Variants in ZNF100 observed in about 807,000 individuals in gnomAD.
ZNF100 encodes the protein zinc finger protein 100 (Y1).
Under a neutral mutation model 15.8 loss-of-function variants are expected in ZNF100, and 12 were observed. The ratio of observed to expected loss-of-function variants is 0.76; its 90% CI spans 0.49 to 1.23. The LOEUF is 1.23. ZNF100 is among the 50% of genes most tolerant of loss of function. The probability of loss-of-function intolerance (pLI) is 0.00; values close to 1 mark genes in which losing one functional copy is unlikely to be tolerated. For synonymous variants in ZNF100, 226 were observed against 214.8 expected (o/e 1.05, Z -0.45); for missense variants, 670 against 635.6 (o/e 1.05, Z -0.58).
At chr19:21,763,244 T>C (rs890483604) in intron 2 of ZNF100, among the ~76,000 whole-genome samples, 2 of 152,064 alleles carry the variant, frequency 1.3e-5, no homozygotes, top group African/African-American at 4.8e-5. Flanking sequence ...CTCTTGGGGT[T>C]TGGATTGGGA....
At position 21,765,689 on chromosome 19, in the gene ZNF100, GT is replaced by G; in HGVS notation, c.96+4del. 1 of 1,613,912 alleles carries G rather than the reference GT, an allele frequency of 6.2e-7. No homozygotes were observed. Among genetic ancestry groups the G allele is most frequent in the Middle Eastern group, 1.7e-4 (1 of 6,058 alleles). Reference sequence around the variant, plus strand: ...GAAGACAATTTTAATGTCTCAAGGGGTTACCTTTTCAAAATAAGACTGCACC... The same window carrying G: ...GAAGACAATTTTAATGTCTCAAGGGGTACCTTTTCAAAATAAGACTGCACC... On this transcript the variant is annotated splice_donor_region_variant and intron_variant, in intron 2 of 4. Transcript: ENST00000358296.
In ZNF100 at chr19:21,745,131, T is replaced by C. The variant is rs1002919649; in HGVS notation, c.97-64A>G. The stretch of plus-strand genomic sequence containing the variant: ...AAGTGGCCATGGGCAGAATTTATTA[T>C]TTGAATTAAAATGAAATGACAGAGC... On this transcript the variant is annotated intron_variant, in intron 2 of 4. Transcript: ENST00000358296. 18 of 1,545,058 alleles carry C rather than the reference T, an allele frequency of 1.2e-5. No individual in the cohort carries two copies. The African/African-American group carries it at 2.1e-4, about 18-fold the overall frequency.
chr19:21,728,961 A>G (rs950733021), intron 4 of ZNF100, among the ~76,000 whole-genome samples: 2 of 151,734 alleles, frequency 1.3e-5, no homozygotes, highest in Non-Finnish European at 1.5e-5. Flanking sequence ...ATAAATATAA[A>G]AAAGAATAGC....
At chr19:21,763,641 C>T (rs1307815316) in intron 2 of ZNF100, among the ~76,000 whole-genome samples, 2 of 152,136 alleles carry the variant, frequency 1.3e-5, no homozygotes, top group African/African-American at 2.4e-5. Flanking sequence ...TAAAATTTTA[C>T]GTGGGCTCCT....
chr19:21,747,771 G>A (rs572870084), intron 2 of ZNF100, among the ~76,000 whole-genome samples: 1 of 152,318 alleles, frequency 6.6e-6, no homozygotes, highest in Admixed American at 6.5e-5. Context: ...AAAACAACAT[G>A]TACACATGTA....
intron 4 of ZNF100, among the ~76,000 whole-genome samples, chr19:21,742,193 A>C (rs1414914098): frequency 6.6e-6 from 1 of 151,504 alleles, no homozygotes; most frequent in Admixed American, 6.6e-5. Flanking sequence ...GCTACTCGGG[A>C]CGCTGAGGCA....
At chr19:21,752,178 C>T (rs2036318403) in intron 2 of ZNF100, 1 of 156,948 alleles carries the variant, frequency 6.4e-6, no homozygotes, top group South Asian at 2.0e-4. Context: ...TCCCATCCCA[C>T]ACACAGATAT....
At chr19:21,749,065 T>C (rs138162805) in intron 2 of ZNF100, among the ~76,000 whole-genome samples, 1 of 152,196 alleles carries the variant, frequency 6.6e-6, no homozygotes, top group Non-Finnish European at 1.5e-5. Context: ...AACCATATGA[T>C]GTTTAATTCA....
At chr19:21,757,566 A>C (rs2036411315) in intron 2 of ZNF100, among the ~76,000 whole-genome samples, 1 of 152,244 alleles carries the variant, frequency 6.6e-6, no homozygotes, top group African/African-American at 2.4e-5. Context: ...TCTTCACAGA[A>C]CTAAAAACAG....
At chr19:21,733,916 AG>A (rs1271404898) in intron 4 of ZNF100, among the ~76,000 whole-genome samples, 1 of 152,268 alleles carries the variant, frequency 6.6e-6, no homozygotes, top group Non-Finnish European at 1.5e-5. Context: ...CAGGTGTGGG[AG>A]AAACCCAGGC....
intron 4 of ZNF100, among the ~76,000 whole-genome samples, chr19:21,741,451 T>A (rs956830389): frequency 1.3e-5 from 2 of 152,324 alleles, no homozygotes; most frequent in Admixed American, 1.3e-4. Context: ...CTTGGCTCAC[T>A]GCAACCTCTG....
intron 4 of ZNF100, among the ~76,000 whole-genome samples, chr19:21,743,661 A>T (rs952556953): frequency 7.2e-5 from 11 of 152,102 alleles, no homozygotes; most frequent in Non-Finnish European, 1.3e-4. Context: ...TTTAACATAG[A>T]GTTTCCCAAA....
At chr19:21,737,917 AAAC>A (rs747206826) in intron 4 of ZNF100, among the ~76,000 whole-genome samples, 28 of 152,248 alleles carry the variant, frequency 1.8e-4, no homozygotes, top group African/African-American at 2.4e-4. Flanking sequence ...AGAGATATAA[AAAC>A]AACAACAACA....
At chr19:21,755,361 G>C (rs1599402646) in intron 2 of ZNF100, among the ~76,000 whole-genome samples, 1 of 151,732 alleles carries the variant, frequency 6.6e-6, no homozygotes, top group East Asian at 1.9e-4. Flanking sequence ...GATCATCAGG[G>C]AAATGCAAAT....
At chr19:21,751,022 G>GCCA (rs2036298767) in intron 2 of ZNF100, 1 of 1,291,076 alleles carries the variant, frequency 7.7e-7, no homozygotes, top group Admixed American at 1.9e-5. Context: ...GCGGGCGAGG[G>GCCA]CCACCACCTG....
In ZNF100 at chr19:21,767,522, A is replaced by G; in HGVS notation, c.-93T>C. 6.3e-7 allele frequency: 1 copy of G among 1,575,794 alleles called. No homozygotes were observed. The highest frequency in any genetic ancestry group is 8.7e-7 in the Non-Finnish European group (1 of 1,156,048). The stretch of plus-strand genomic sequence containing the variant: ...ACACAGGCTAGGCCCCTAGGAGCAG[A>G]AGACACAGAGAAGTGAGAGCAAAAC... On this transcript the variant is annotated 5_prime_UTR_variant, in exon 1 of 5. Coordinates refer to ENST00000358296, the MANE Select transcript of ZNF100 (RefSeq NM_173531.4).
At position 21,723,479 on chromosome 19, in the gene ZNF100, G is replaced by T. The variant is rs770585519; in HGVS notation, c.*3204C>A. 6.6e-5 allele frequency: 10 copies of T among 152,060 alleles called. No homozygotes were observed. Among genetic ancestry groups the T allele is most frequent in the Non-Finnish European group, 1.5e-4 (10 of 68,046 alleles). 9.4% of individuals were successfully genotyped at this position (152,060 alleles called of 1,614,324 possible). ...AACTGAAGCCATAACACAGAAAAAG[G>T]AGATGGGCTGTGCTGCATACATAGC... On this transcript the variant is annotated 3_prime_UTR_variant, in exon 5 of 5. Transcript: ENST00000358296.
intron 4 of ZNF100, among the ~76,000 whole-genome samples, chr19:21,735,403 A>C (rs1271917729): frequency 6.6e-6 from 1 of 150,510 alleles, no homozygotes; most frequent in East Asian, 2.0e-4. Flanking sequence ...CTGAGGCAGG[A>C]GAATGGCATG....
chr19:21,734,672 A>T (rs1319602582), intron 4 of ZNF100, among the ~76,000 whole-genome samples: 1 of 152,196 alleles, frequency 6.6e-6, no homozygotes, highest in Non-Finnish European at 1.5e-5. Context: ...CAACCTAACA[A>T]GACAGGCCAT....
Sources: allele counts gnomAD v4.1 joint callset (sites outside exome capture counted in the v4.1 genomes callset), GRCh38; gene constraint gnomAD v4.1.1; transcripts MANE v1.5; gene names NCBI Gene and HGNC (gene_info 2026-07-23, HGNC 2026-07-21).